The following ZSCAN26 variants were observed in gnomAD, a reference collection of about 807,000 sequenced individuals.
ZSCAN26 encodes zinc finger and SCAN domain-containing protein 26.
A neutral mutation model predicts 23.0 loss-of-function variants in ZSCAN26; 26 were observed. The observed-to-expected ratio is 1.13, with a 90% confidence interval of 0.83 to 1.57. ZSCAN26 has a LOEUF of 1.57. Among genes scored for constraint, ZSCAN26 ranks in the 40% most tolerant of loss-of-function variants. The pLI, the probability that ZSCAN26 is intolerant of heterozygous loss-of-function variation, is 0.00. For missense variants in ZSCAN26, 528 were observed against 568.5 expected, an observed-to-expected ratio of 0.93 and a Z score of 0.72; for synonymous variants, 180 against 202.5, an observed-to-expected ratio of 0.89 and a Z score of 0.94.
chr6:28,271,185 A>T (rs1170942884), intron 1 of ZSCAN26, among the ~76,000 whole-genome samples: 1 of 152,030 alleles, frequency 6.6e-6, no homozygotes, highest in Non-Finnish European at 1.5e-5. Flanking sequence ...CTACCTTTCC[A>T]GTTCCATCTC....
intron 3 of ZSCAN26, among the ~76,000 whole-genome samples, chr6:28,275,034 G>A (rs1202133427): frequency 1.3e-5 from 2 of 152,056 alleles, no homozygotes; most frequent in Non-Finnish European, 2.9e-5. Context: ...CCCCACCTGT[G>A]ACCTTCCTTT....
chr6:28,275,286 A>G (rs1482851767), intron 3 of ZSCAN26, among the ~76,000 whole-genome samples: 1 of 152,224 alleles, frequency 6.6e-6, no homozygotes, highest in Non-Finnish European at 1.5e-5. Flanking sequence ...CTTAGCTACA[A>G]GAAAAACTGG....
Position 28,276,203 on chromosome 6 carries a change from A to G in ZSCAN26, c.547A>G (p.Thr183Ala). The G allele has an allele frequency of 6.2e-7, 1 of 1,607,904 alleles. No homozygotes were observed. Among genetic ancestry groups the G allele is most frequent in the South Asian group, 1.1e-5 (1 of 90,318 alleles). The stretch of plus-strand genomic sequence containing the variant: ...TATATTTAATATTGCAGGTGAGGAG[A>G]CAAGGATTGAGAATGGGAAGCTTAT... ...TKPEKEKGEE[T>A]RIENGKLIVV... Residue 183 changes from threonine to alanine, a missense_variant, in exon 4 of 4, where the codon ACA becomes GCA. Thr to Ala is a moderately conservative substitution (Grantham distance 58). Coordinates refer to ENST00000421553, the MANE Select transcript of ZSCAN26 (RefSeq NM_001023560.4).
rs568471716 is a variant in ZSCAN26 at position 28,277,159 on chromosome 6, G to A, written c.*63G>A. 1.3e-6 allele frequency: 2 copies of A among 1,524,514 alleles called. No individual in the cohort carries two copies. Among genetic ancestry groups the A allele is most frequent in the African/African-American group, 1.4e-5 (1 of 72,488 alleles). The allele number at this position is 1,524,514 out of a possible 1,614,324, so 94.4% of individuals were successfully genotyped here. ...CATTGACTAGCAAACAGCACTTTAGGAAAAGTCACCGTAGCCCACTGTGGC... is the reference window on the plus strand; with the variant it reads ...CATTGACTAGCAAACAGCACTTTAGAAAAAGTCACCGTAGCCCACTGTGGC... On this transcript the variant is annotated 3_prime_UTR_variant, in exon 4 of 4. Transcript: ENST00000421553.
chr6:28,277,242 G>A lies in ZSCAN26; in HGVS notation c.*146G>A. 1 of 770,168 alleles carries A rather than the reference G, an allele frequency of 1.3e-6. No individual in the cohort carries two copies. 47.7% of individuals were successfully genotyped at this position (770,168 alleles called of 1,614,324 possible). A position where few individuals can be genotyped will look rare whatever the true frequency, so the allele number is the denominator to read the frequency against. ...TCCCTGCCTCTATTCTCTCTCCTTT[G>A]CTTTCCTTGAAGTCAGCTTTGGACC... On this transcript the variant is annotated 3_prime_UTR_variant, in exon 4 of 4. Transcript: ENST00000421553.
chr6:28,269,282 G>C (rs934858022), intron 1 of ZSCAN26, among the ~76,000 whole-genome samples: 1 of 151,256 alleles, frequency 6.6e-6, no homozygotes, highest in African/African-American at 2.4e-5. Flanking sequence ...TATGAATACA[G>C]GTATATATAA....
intron 3 of ZSCAN26, among the ~76,000 whole-genome samples, chr6:28,275,225 T>A (rs1318711568): frequency 6.6e-6 from 1 of 152,208 alleles, no homozygotes; most frequent in African/African-American, 2.4e-5. Context: ...TTTTACTCTC[T>A]CATTCTGACT....
intron 1 of ZSCAN26, among the ~76,000 whole-genome samples, chr6:28,269,511 C>T (rs1761595755): frequency 6.6e-6 from 1 of 152,036 alleles, no homozygotes; most frequent in African/African-American, 2.4e-5. Context: ...GCTGGAGACC[C>T]AGGAGAGCAA....
intron 2 of ZSCAN26, 89 bp from the exon 3 acceptor site, chr6:28,272,581 C>CT (rs1561874948): frequency 8.5e-7 from 1 of 1,171,874 alleles, no homozygotes; most frequent in East Asian, 2.6e-5. Context: ...TCTTTCTTCT[C>CT]TTTTTTAACA....
At chr6:28,267,554 A>G (rs1216184299) in intron 1 of ZSCAN26, 1 of 152,082 alleles carries the variant, frequency 6.6e-6, no homozygotes, top group East Asian at 1.9e-4. Context: ...AGGTAGAGGG[A>G]ATAGCAAGTG....
chr6:28,277,581 T>C lies in ZSCAN26; in HGVS notation c.*485T>C, dbSNP rs1053289579. The C allele has an allele frequency of 6.5e-6, 1 of 152,868 alleles. No homozygotes were observed. The highest frequency in any genetic ancestry group is 2.4e-5 in the African/African-American group (1 of 41,446). The allele number at this position is 152,868 out of a possible 1,614,324, so 9.5% of individuals were successfully genotyped here. A position where few individuals can be genotyped will look rare whatever the true frequency, so the allele number is the denominator to read the frequency against. ...AAGTACAGGTTAATGGTGAACATTT[T>C]CCCCCAGTGGCTTCACCTCATTCCT... On this transcript the variant is annotated 3_prime_UTR_variant, in exon 4 of 4. Coordinates refer to ENST00000421553, the MANE Select transcript of ZSCAN26 (RefSeq NM_001023560.4).
chr6:28,276,204 C>A lies in ZSCAN26; in HGVS notation c.548C>A (p.Thr183Lys), dbSNP rs762817558. 6.8e-6 allele frequency: 11 copies of A among 1,607,186 alleles called. No individual in the cohort carries two copies. The highest frequency in any genetic ancestry group is 9.4e-6 in the Non-Finnish European group (11 of 1,176,342). Residue 183 changes from threonine to lysine, a missense_variant, in exon 4 of 4, where the codon ACA becomes AAA. Transcript: ENST00000421553. Reference protein sequence around the residue: ...TKPEKEKGEETRIENGKLIVV... With the variant: ...TKPEKEKGEEKRIENGKLIVV... ...ATATTTAATATTGCAGGTGAGGAGACAAGGATTGAGAATGGGAAGCTTATT... is the reference window on the plus strand; with the variant it reads ...ATATTTAATATTGCAGGTGAGGAGAAAAGGATTGAGAATGGGAAGCTTATT...
chr6:28,267,897 T>C (rs1761511116), intron 1 of ZSCAN26, among the ~76,000 whole-genome samples: 1 of 152,196 alleles, frequency 6.6e-6, no homozygotes, highest in Non-Finnish European at 1.5e-5. Flanking sequence ...TTTTTTAAAA[T>C]TCCAAGTAAT....
At chr6:28,275,586 A>G (rs2113726201) in intron 3 of ZSCAN26, among the ~76,000 whole-genome samples, 1 of 152,330 alleles carries the variant, frequency 6.6e-6, no homozygotes, top group South Asian at 2.1e-4. Context: ...AGCTCTGTTG[A>G]ACCACACAGG....
chr6:28,272,047 A>G lies in ZSCAN26; in HGVS notation c.128A>G (p.Lys43Arg), dbSNP rs1761709742. The change falls in exon 2 of 4, where the codon AAA (lysine) becomes AGA (arginine). Residue 43 changes from lysine to arginine, a missense_variant. Physicochemically the swap from Lys to Arg is conservative, Grantham distance 26. Coordinates refer to ENST00000421553, the MANE Select transcript of ZSCAN26 (RefSeq NM_001023560.4). ...GGATTCAAGCTGCAAGGAAACAGTA[A>G]AGGCCTTGGACAGGAGCCATTGTGC... ...EQGFKLQGNS[K>R]GLGQEPLCKQ... 3 of 1,553,406 alleles carry G rather than the reference A, an allele frequency of 1.9e-6. No individual in the cohort carries two copies. Among genetic ancestry groups the G allele is most frequent in the Non-Finnish European group, 1.7e-6 (2 of 1,147,882 alleles).
At chr6:28,271,503 C>T (rs1386404717) in intron 1 of ZSCAN26, among the ~76,000 whole-genome samples, 1 of 152,044 alleles carries the variant, frequency 6.6e-6, no homozygotes, top group Non-Finnish European at 1.5e-5. Context: ...GGATTACAGG[C>T]ATGTGCCACC....
At chr6:28,273,859 C>T (rs572337949) in intron 3 of ZSCAN26, among the ~76,000 whole-genome samples, 17 of 151,754 alleles carry the variant, frequency 1.1e-4, no homozygotes, top group South Asian at 2.1e-4. Flanking sequence ...CTGGGACTAC[C>T]GGTGTGTGTG....
chr6:28,271,804 T>TGTTA, intron 1 of ZSCAN26, 50 bp from the exon 2 acceptor site: 1 of 910,484 alleles, frequency 1.1e-6, no homozygotes, highest in Non-Finnish European at 1.6e-6. Flanking sequence ...TTACTGTTCT[T>TGTTA]GTTAGCAGTA....
rs753022561 is a variant in ZSCAN26, at chr6:28,277,099, A to G, written c.*3A>G. On this transcript the variant is annotated 3_prime_UTR_variant, in exon 4 of 4. Transcript: ENST00000421553. ...ACCACAAAGACAAACTGGCTTGATG[A>G]GGTGTTCTCTCCTTGTAGAACATCA... is the stretch of plus-strand genomic sequence containing the variant. 3 of 1,609,952 alleles carry G rather than the reference A, an allele frequency of 1.9e-6. No homozygotes were observed. The South Asian group carries it at 3.3e-5, about 18-fold the overall frequency.
Sources: gnomAD v4.1 joint callset for allele counts (sites outside exome capture counted in the v4.1 genomes callset) on GRCh38, gnomAD v4.1.1 for gene constraint, MANE v1.5 for transcripts, NCBI Gene and HGNC (gene_info 2026-07-23, HGNC 2026-07-21) for gene names.